Variants in SLC7A5 observed in about 807,000 individuals in gnomAD.
The protein encoded by SLC7A5 is large neutral amino acids transporter small subunit 1.
In SLC7A5, 23 loss-of-function variants were observed where a neutral mutation model predicts 50.2. The observed-to-expected ratio is 0.46, with a 90% confidence interval of 0.33 to 0.65. The LOEUF (loss-of-function observed/expected upper bound fraction) is 0.65, where lower values mean the gene tolerates loss of function less well. Among genes scored for constraint, SLC7A5 ranks in the 30% least tolerant of loss-of-function variants. The pLI, the probability that SLC7A5 is intolerant of heterozygous loss-of-function variation, is 0.02. For synonymous variants in SLC7A5, 393 were observed against 330.6 expected, an observed-to-expected ratio of 1.19 and a Z score of -2.05; for missense variants, 578 against 684.4, an observed-to-expected ratio of 0.84 and a Z score of 1.73.
chr16:87,839,615 A>C, intron 5 of SLC7A5, 87 bp downstream of exon 5: 1 of 1,592,358 alleles, frequency 6.3e-7, no homozygotes, highest in Non-Finnish European at 8.6e-7. Context: ...GGAGGCTTAG[A>C]GATGTGGGGC....
intron 2 of SLC7A5, among the ~76,000 whole-genome samples, chr16:87,847,002 A>T: frequency 6.6e-6 from 1 of 151,952 alleles, no homozygotes; most frequent in Non-Finnish European, 1.5e-5. Flanking sequence ...CACATCTAGC[A>T]CCTGCCCTTG....
At chr16:87,856,609 T>C (rs1341863246) in intron 1 of SLC7A5, among the ~76,000 whole-genome samples, 2 of 152,304 alleles carry the variant, frequency 1.3e-5, no homozygotes, top group Admixed American at 1.3e-4. Context: ...GGCCCCCCTC[T>C]GCAGCTGGCT....
At position 87,835,433 on chromosome 16, in the gene SLC7A5, G is replaced by A. The variant is rs545165120; in HGVS notation, c.1291-842C>T. On this transcript the variant is annotated intron_variant, in intron 8 of 9. Coordinates refer to ENST00000261622, the MANE Select transcript of SLC7A5 (RefSeq NM_003486.7). ...GTAGGGCGGCTCCTCCCTGCCCTCT[G>A]CAGCCTTCTCTTGGGGCAGCATCTG... is the stretch of plus-strand genomic sequence containing the variant. Among the ~76,000 whole-genome samples the A allele has an allele frequency of 3.5e-4, 53 of 152,358 alleles. 1 individual carries two copies. Among genetic ancestry groups the A allele is most frequent in the Non-Finnish European group, 4.4e-5 (3 of 68,038 alleles).
chr16:87,866,899 G>A (rs1245690255), intron 1 of SLC7A5, among the ~76,000 whole-genome samples: 3 of 151,960 alleles, frequency 2.0e-5, no homozygotes, highest in Non-Finnish European at 2.9e-5. Context: ...ACTCACTCCT[G>A]GCACCAGCAG....
At chr16:87,866,751 C>A (rs911140324) in intron 1 of SLC7A5, among the ~76,000 whole-genome samples, 3 of 152,100 alleles carry the variant, frequency 2.0e-5, no homozygotes, top group African/African-American at 7.2e-5. Flanking sequence ...CAGGTGTGAG[C>A]CACAGTGCCT....
At chr16:87,834,744 A>AC (rs2054976701) in intron 8 of SLC7A5, 153 bp from the exon 9 acceptor site, 1 of 788,166 alleles carries the variant, frequency 1.3e-6, no homozygotes, top group East Asian at 2.7e-5. Context: ...TGCCTCACAC[A>AC]CCGGGCTGTC....
intron 2 of SLC7A5, among the ~76,000 whole-genome samples, chr16:87,847,096 C>A (rs7206431): frequency 6.6e-6 from 1 of 152,152 alleles, no homozygotes; most frequent in African/African-American, 2.4e-5. Flanking sequence ...CTGCTGGGAG[C>A]GCCTAGAAGC....
chr16:87,840,435 G>A lies in SLC7A5; in HGVS notation c.809C>T (p.Pro270Leu). The part of the protein sequence containing the change: ...LNFVTEEMIN[P>L]YRNLPLAIII... ...CATCCATTCTTGCACGTACCTGTAGGGGTTGATCATTTCCTCTGTGACGAA... is the reference window on the plus strand; with the variant it reads ...CATCCATTCTTGCACGTACCTGTAGAGGTTGATCATTTCCTCTGTGACGAA... Residue 270 changes from proline to leucine, a missense_variant, in exon 4 of 10, where the codon CCC becomes CTC. Coordinates refer to ENST00000261622, the MANE Select transcript of SLC7A5 (RefSeq NM_003486.7). 2 of 1,612,194 alleles carry A rather than the reference G, an allele frequency of 1.2e-6. No homozygotes were observed. The highest frequency in any genetic ancestry group is 1.7e-6 in the Non-Finnish European group (2 of 1,178,234).
chr16:87,837,344 C>T (rs527990721), intron 7 of SLC7A5: 1 of 194,562 alleles, frequency 5.1e-6, no homozygotes, highest in African/African-American at 2.3e-5. Context: ...GAGAACACAG[C>T]TTCAGGCACC....
intron 1 of SLC7A5, among the ~76,000 whole-genome samples, chr16:87,856,464 G>A (rs767341321): frequency 3.9e-5 from 6 of 152,144 alleles, no homozygotes; most frequent in Non-Finnish European, 8.8e-5. Flanking sequence ...GCCGGAGAGC[G>A]GCAGCTGACC....
chr16:87,839,794 G>C lies in SLC7A5; in HGVS notation c.847C>G (p.Pro283Ala). Residue 283 changes from proline to alanine, a missense_variant, in exon 5 of 10, where the codon CCC becomes GCC. Pro to Ala is a conservative substitution (Grantham distance 27). Transcript: ENST00000261622. ...AGCACGTACACCAGCGTCACGATGGGCAGGGAGATGATGATGGCCAGGGGC... is the reference window on the plus strand; with the variant it reads ...AGCACGTACACCAGCGTCACGATGGCCAGGGAGATGATGATGGCCAGGGGC... ...NLPLAIIISL[P>A]IVTLVYVLTN... 6.2e-7 allele frequency: 1 copy of C among 1,613,984 alleles called. No individual in the cohort carries two copies. The highest frequency in any genetic ancestry group is 8.5e-7 in the Non-Finnish European group (1 of 1,179,976).
At chr16:87,854,595 CCT>C (rs2055290624) in intron 1 of SLC7A5, among the ~76,000 whole-genome samples, 1 of 152,234 alleles carries the variant, frequency 6.6e-6, no homozygotes, top group Admixed American at 6.5e-5. Flanking sequence ...AGGGCTGTGC[CCT>C]GAGTCAGAGT....
intron 8 of SLC7A5, among the ~76,000 whole-genome samples, chr16:87,835,483 A>C (rs2054987466): frequency 6.6e-6 from 1 of 151,932 alleles, no homozygotes; most frequent in Admixed American, 6.5e-5. Context: ...CTGTATTTTA[A>C]AGCCCCTGTT....
intron 6 of SLC7A5, among the ~76,000 whole-genome samples, 196 bp downstream of exon 6, chr16:87,838,517 TC>T (rs1424376442): frequency 6.6e-6 from 1 of 152,184 alleles, no homozygotes. Flanking sequence ...GGTCTCGAAC[TC>T]CTGAGCTCAA....
intron 6 of SLC7A5, among the ~76,000 whole-genome samples, chr16:87,838,485 G>A (rs1013927155): frequency 6.6e-6 from 1 of 152,096 alleles, no homozygotes; most frequent in Non-Finnish European, 1.5e-5. Context: ...TAGAAACGGG[G>A]TTTTGCCATA....
Position 87,861,650 on chromosome 16 carries a change from C to G in SLC7A5, c.538+7235G>C, listed in dbSNP as rs2055399803. ...CCCCTCTCCTGGGGGTGGCTCTCAA[C>G]CTGGCCTGGGCCCCCGGGGGTCTGC... On this transcript the variant is annotated intron_variant, in intron 1 of 9. Transcript: ENST00000261622. This position sits in a 1 kb window ranked among gnomAD's most constrained non-coding sequence, Gnocchi z 4.2. 6.6e-6 allele frequency among the ~76,000 whole-genome samples: 1 copy of G among 152,202 alleles called. No individual in the cohort carries two copies. The highest frequency in any genetic ancestry group is 2.4e-5 in the African/African-American group (1 of 41,442).
intron 1 of SLC7A5, among the ~76,000 whole-genome samples, chr16:87,868,377 T>C (rs1280812748): frequency 6.6e-6 from 1 of 152,126 alleles, no homozygotes; most frequent in African/African-American, 2.4e-5. Context: ...CCGCACACGA[T>C]GTTATTACTA....
At position 87,862,638 on chromosome 16, in the gene SLC7A5, A is replaced by C. The variant is rs1423834603; in HGVS notation, c.538+6247T>G. Among the ~76,000 whole-genome samples, 1 of 152,218 alleles carries C rather than the reference A, an allele frequency of 6.6e-6. No individual in the cohort carries two copies. The highest frequency in any genetic ancestry group is 2.4e-5 in the African/African-American group (1 of 41,458). ...AGGCTGAGGGCTGCTCCATGTGCAC[A>C]GTGAGCAGGAGATACAGGCACGTGG... On this transcript the variant is annotated intron_variant, in intron 1 of 9. Coordinates refer to ENST00000261622, the MANE Select transcript of SLC7A5 (RefSeq NM_003486.7). This position sits in a 1 kb window ranked among gnomAD's most constrained non-coding sequence, Gnocchi z 5.3.
At chr16:87,844,620 A>G (rs1251350169) in intron 2 of SLC7A5, among the ~76,000 whole-genome samples, 1 of 152,224 alleles carries the variant, frequency 6.6e-6, no homozygotes, top group Non-Finnish European at 1.5e-5. Flanking sequence ...CCATGAACGC[A>G]GTGTCCCTGG....
Sources: allele counts gnomAD v4.1 joint callset (sites outside exome capture counted in the v4.1 genomes callset), GRCh38; gene constraint gnomAD v4.1.1; non-coding constraint Gnocchi (gnomAD v3.1); transcripts MANE v1.5; gene names NCBI Gene and HGNC (gene_info 2026-07-23, HGNC 2026-07-21).